Variants in MCC observed in about 807,000 individuals in gnomAD.
MCC encodes the protein MCC regulator of Wnt signaling pathway.
In MCC, 90 loss-of-function variants were observed where a neutral mutation model predicts 116.2. The ratio of observed to expected loss-of-function variants is 0.77; its 90% CI spans 0.65 to 0.92. The LOEUF is 0.92. Ranked by LOEUF, MCC falls within the 40% of genes least tolerant of loss-of-function variation. The pLI is 0.00. For synonymous variants in MCC, 578 were observed against 510.5 expected, an observed-to-expected ratio of 1.13 and a Z score of -1.78; for missense variants, 1,516 against 1,312.2, an observed-to-expected ratio of 1.16 and a Z score of -2.40.
At chr5:113,196,846 A>G (rs1223579168) in intron 3 of MCC, among the ~76,000 whole-genome samples, 1 of 152,154 alleles carries the variant, frequency 6.6e-6, no homozygotes, top group Non-Finnish European at 1.5e-5. Context: ...CTCAAAAATC[A>G]ATCAATCAAT....
chr5:113,085,001 T>C (rs1755105793), intron 9 of MCC, among the ~76,000 whole-genome samples, 163 bp downstream of exon 9: 1 of 152,228 alleles, frequency 6.6e-6, no homozygotes, highest in Non-Finnish European at 1.5e-5. Flanking sequence ...TAGTGGGTTA[T>C]CTCTCCTTGC....
chr5:113,440,543 T>A (rs374028357), intron 1 of MCC, among the ~76,000 whole-genome samples: 3 of 151,358 alleles, frequency 2.0e-5, no homozygotes, highest in Non-Finnish European at 4.4e-5. Context: ...ACTCAATAGA[T>A]ATTTATTTAA....
At chr5:113,071,063 A>T (rs1754000755) in intron 12 of MCC, 31 bp downstream of exon 12, 1 of 1,599,152 alleles carries the variant, frequency 6.3e-7, no homozygotes, top group African/African-American at 1.4e-5. Context: ...TCTACCCTGA[A>T]GTAGCTCCAA....
chr5:113,473,991 C>T (rs1772165196), intron 1 of MCC, among the ~76,000 whole-genome samples: 1 of 152,198 alleles, frequency 6.6e-6, no homozygotes, highest in Non-Finnish European at 1.5e-5. Context: ...TCTAAAGTTA[C>T]ACGACCAGTT....
At chr5:113,029,195 G>T in intron 17 of MCC, 139 bp from the exon 18 acceptor site, 1 of 658,962 alleles carries the variant, frequency 1.5e-6, no homozygotes, top group Non-Finnish European at 2.4e-6. Flanking sequence ...ATACTAAAGG[G>T]CCCAACAGCG....
At chr5:113,198,048 T>A (rs1204080201) in intron 3 of MCC, among the ~76,000 whole-genome samples, 3 of 152,254 alleles carry the variant, frequency 2.0e-5, no homozygotes, top group Admixed American at 1.3e-4. Context: ...GCTGTGAGCC[T>A]ATATAATTCA....
intron 2 of MCC, among the ~76,000 whole-genome samples, chr5:113,341,521 G>T (rs1768011181): frequency 6.6e-6 from 1 of 152,156 alleles, no homozygotes; most frequent in Non-Finnish European, 1.5e-5. Flanking sequence ...ACTCTTACCT[G>T]AAGGAAGCTA....
chr5:113,369,647 G>T (rs1768791211), intron 2 of MCC, among the ~76,000 whole-genome samples: 1 of 151,888 alleles, frequency 6.6e-6, no homozygotes, highest in African/African-American at 2.4e-5. Flanking sequence ...TTCCACCTTT[G>T]GGCTACATAA....
chr5:113,068,142 G>C lies in MCC; in HGVS notation c.1967C>G (p.Ala656Gly). Residue 656 changes from alanine (A) to glycine (G), a missense_variant, in exon 13 of 19, where the codon GCA (alanine) becomes GGA (glycine). By Grantham distance (60) the Ala-to-Gly change is moderately conservative. Transcript: ENST00000408903. ...CAGGATGAGGCTCTGCTCACTCTCT[G>C]CCAGCGCCAGGAGGAGTTCGTAGGC... ...IEAYELLLAL[A>G]ESEQSLILGQ... 6.2e-7 allele frequency: 1 copy of C among 1,614,174 alleles called. No homozygotes were observed. The highest frequency in any genetic ancestry group is 8.5e-7 in the Non-Finnish European group (1 of 1,180,042).
intron 1 of MCC, among the ~76,000 whole-genome samples, chr5:113,387,604 G>C (rs1031855754): frequency 1.3e-4 from 20 of 152,134 alleles, no homozygotes; most frequent in African/African-American, 3.9e-4. Flanking sequence ...TTCATGTAAT[G>C]TTAACATTAA....
chr5:113,195,455 G>A (rs1032827895), intron 3 of MCC, among the ~76,000 whole-genome samples: 2 of 151,660 alleles, frequency 1.3e-5, no homozygotes, highest in African/African-American at 2.4e-5. Context: ...TCATCTCTTC[G>A]TATGACAGGC....
chr5:113,236,798 G>A (rs1764149900), intron 3 of MCC, among the ~76,000 whole-genome samples: 2 of 152,160 alleles, frequency 1.3e-5, no homozygotes, highest in African/African-American at 4.8e-5. Flanking sequence ...AAACTGATCG[G>A]ATGTTTGTTC....
At chr5:113,452,842 A>C (rs1430775360) in intron 1 of MCC, among the ~76,000 whole-genome samples, 1 of 152,212 alleles carries the variant, frequency 6.6e-6, no homozygotes, top group African/African-American at 2.4e-5. Flanking sequence ...GTCTCAGGTG[A>C]TGTTGGCACC....
intron 2 of MCC, among the ~76,000 whole-genome samples, chr5:113,355,849 G>A (rs1768398450): frequency 6.6e-6 from 1 of 152,034 alleles, no homozygotes; most frequent in South Asian, 2.1e-4. Flanking sequence ...TACAAATTTG[G>A]GCACCGGGAC....
chr5:113,487,581 G>C (rs1162354120), intron 1 of MCC, among the ~76,000 whole-genome samples: 3 of 152,174 alleles, frequency 2.0e-5, no homozygotes, highest in Admixed American at 1.3e-4. Flanking sequence ...CCGGAGCCAC[G>C]CCGAAGCTCA....
chr5:113,066,140 T>A (rs1458672449), intron 13 of MCC, among the ~76,000 whole-genome samples: 3 of 152,180 alleles, frequency 2.0e-5, no homozygotes, highest in Non-Finnish European at 4.4e-5. Flanking sequence ...CATTATTGAT[T>A]TTGAATATTT....
chr5:113,339,354 C>A (rs1322227114), intron 3 of MCC, among the ~76,000 whole-genome samples: 1 of 151,620 alleles, frequency 6.6e-6, no homozygotes, highest in East Asian at 1.9e-4. Flanking sequence ...TCATAATAAA[C>A]TGATGTTGAC....
intron 3 of MCC, among the ~76,000 whole-genome samples, chr5:113,254,149 T>C (rs890562386): frequency 5.3e-5 from 8 of 152,198 alleles, no homozygotes; most frequent in Non-Finnish European, 8.8e-5. Context: ...GTAGCATTGA[T>C]TGGTAGAGAG....
chr5:113,297,994 T>A (rs1766756448), intron 3 of MCC, among the ~76,000 whole-genome samples: 1 of 152,074 alleles, frequency 6.6e-6, no homozygotes, highest in Non-Finnish European at 1.5e-5. Context: ...GATATTCAAA[T>A]GGAGATGTTC....
Sources: gnomAD v4.1 joint callset for allele counts (sites outside exome capture counted in the v4.1 genomes callset) on GRCh38, gnomAD v4.1.1 for gene constraint, MANE v1.5 for transcripts, NCBI Gene and HGNC (gene_info 2026-07-23, HGNC 2026-07-21) for gene names.